PAX3: variants seen among roughly 807,000 people sequenced by gnomAD.
PAX3 encodes paired box 3.
PAX3 carries 14 observed loss-of-function variants against 51.6 expected under a neutral mutation model. That is an observed-to-expected ratio of 0.27 (90% CI 0.18 to 0.42). The LOEUF (loss-of-function observed/expected upper bound fraction) is 0.42, where lower values mean the gene tolerates loss of function less well. Ranked by LOEUF, PAX3 falls within the 10% of genes least tolerant of loss-of-function variation. PAX3 has a pLI of 1.00. For synonymous variants in PAX3, 280 were observed against 253.4 expected, an observed-to-expected ratio of 1.11 and a Z score of -1.00; for missense variants, 540 against 642.8, an observed-to-expected ratio of 0.84 and a Z score of 1.73.
At chr2:222,246,906 T>C (rs986982847) in intron 4 of PAX3, among the ~76,000 whole-genome samples, 6 of 152,234 alleles carry the variant, frequency 3.9e-5, no homozygotes, top group African/African-American at 1.4e-4. Context: ...TGTTCATATT[T>C]ACCTGTGAAT....
chr2:222,274,424 A>C (rs1471843193), intron 4 of PAX3, among the ~76,000 whole-genome samples: 1 of 151,974 alleles, frequency 6.6e-6, no homozygotes, highest in Admixed American at 6.6e-5. Flanking sequence ...CTTTTAATAG[A>C]GAATGGAAAA....
rs972999995 is a variant in PAX3 at position 222,294,383 on chromosome 2, C to A, written c.452-82G>T. 5.3e-6 allele frequency: 8 copies of A among 1,520,266 alleles called. No homozygotes were observed. The South Asian group carries it at 9.1e-5, about 17-fold the overall frequency. The allele number at this position is 1,520,266 out of a possible 1,614,324, so 94.2% of individuals were successfully genotyped here. A position where few individuals can be genotyped will look rare whatever the true frequency, so the allele number is the denominator to read the frequency against. ...CTGTGCGGGAAGGACCCCCCACCCCCAAACACCAGCCAGGGCCCTAGAGCC... is the reference window on the plus strand; with the variant it reads ...CTGTGCGGGAAGGACCCCCCACCCCAAAACACCAGCCAGGGCCCTAGAGCC... On this transcript the variant is annotated intron_variant, in intron 3 of 8. Transcript: ENST00000392070.
chr2:222,291,380 T>C (rs568286697), intron 4 of PAX3, among the ~76,000 whole-genome samples: 75 of 152,280 alleles, frequency 4.9e-4, no homozygotes, highest in Non-Finnish European at 7.9e-4. Context: ...GGGTGCATCA[T>C]GCTTAGCGCG....
At chr2:222,248,060 A>G (rs1367100723) in intron 4 of PAX3, among the ~76,000 whole-genome samples, 1 of 152,216 alleles carries the variant, frequency 6.6e-6, no homozygotes, top group African/African-American at 2.4e-5. Flanking sequence ...CCTCTGGATC[A>G]TCTATTGCTT....
chr2:222,221,640 A>G (rs1692196592), intron 5 of PAX3: 3 of 448,558 alleles, frequency 6.7e-6, no homozygotes, highest in Admixed American at 6.9e-5. Flanking sequence ...TATGAGGACC[A>G]TGGGCAGGAA....
intron 5 of PAX3, among the ~76,000 whole-genome samples, chr2:222,223,646 G>A (rs369366397): frequency 7.4e-4 from 113 of 152,272 alleles, no homozygotes; most frequent in Non-Finnish European, 1.3e-3. Flanking sequence ...GACTAAGGAG[G>A]TACTCCCGGC....
At chr2:222,253,410 G>A (rs1693512805) in intron 4 of PAX3, among the ~76,000 whole-genome samples, 1 of 152,104 alleles carries the variant, frequency 6.6e-6, no homozygotes, top group South Asian at 2.1e-4. Context: ...AGACATTTTA[G>A]GCATTTTAGA....
intron 4 of PAX3, among the ~76,000 whole-genome samples, chr2:222,258,240 T>C (rs1693719571): frequency 6.6e-6 from 1 of 152,182 alleles, no homozygotes; most frequent in African/African-American, 2.4e-5. Context: ...GCAGTCATGT[T>C]TTTAAGCCTC....
chr2:222,285,913 C>T (rs777880418), intron 4 of PAX3, among the ~76,000 whole-genome samples: 16 of 152,216 alleles, frequency 1.1e-4, no homozygotes, highest in Non-Finnish European at 2.2e-4. Context: ...AAAAGTCTCC[C>T]ATCCCTGTCA....
At chr2:222,218,221 T>C (rs1692041659) in intron 7 of PAX3, among the ~76,000 whole-genome samples, 1 of 152,196 alleles carries the variant, frequency 6.6e-6, no homozygotes, top group Non-Finnish European at 1.5e-5. Context: ...ATGATTTTGC[T>C]CTACCATCAA....
intron 5 of PAX3, among the ~76,000 whole-genome samples, chr2:222,226,660 C>T (rs1692396486): frequency 6.6e-6 from 1 of 151,218 alleles, no homozygotes; most frequent in East Asian, 2.0e-4. Flanking sequence ...ATTACTGATG[C>T]TATAAGGATT....
intron 5 of PAX3, among the ~76,000 whole-genome samples, chr2:222,224,392 T>C (rs10207863): frequency 0.027 from 4,102 of 152,272 alleles, 171 homozygotes; most frequent in African/African-American, 0.088. Flanking sequence ...GGCCTGCCTG[T>C]CTCTGGTCAT....
In PAX3 at chr2:222,200,351, G is replaced by A. The variant is rs992001279; in HGVS notation, c.*1057C>T. ...CTTGCCCTGCCTTTCATAGAAAAGA[G>A]AAGAATGTAAACGTAATCAGTTTAA... On this transcript the variant is annotated 3_prime_UTR_variant, in exon 9 of 9. Transcript: ENST00000392070. 1 of 223,754 alleles carries A rather than the reference G, an allele frequency of 4.5e-6. No homozygotes were observed. Among genetic ancestry groups the A allele is most frequent in the African/African-American group, 2.2e-5 (1 of 44,816 alleles). 13.9% of individuals were successfully genotyped at this position (223,754 alleles called of 1,614,324 possible). A position where few individuals can be genotyped will look rare whatever the true frequency, so the allele number is the denominator to read the frequency against.
chr2:222,244,231 T>C (rs774510372), intron 4 of PAX3, among the ~76,000 whole-genome samples: 23 of 152,186 alleles, frequency 1.5e-4, no homozygotes, highest in South Asian at 6.2e-4. Flanking sequence ...ACAGTTGCCA[T>C]TGAACTTAGA....
chr2:222,298,150 T>C (rs978153069), intron 1 of PAX3: 1 of 276,820 alleles, frequency 3.6e-6, no homozygotes, highest in African/African-American at 2.2e-5. Flanking sequence ...GTTTCACAAG[T>C]GTGGGCGCAG....
Position 222,298,889 on chromosome 2 carries a change from A to C in PAX3, c.-274T>G, listed in dbSNP as rs760039867. 4.2e-5 allele frequency: 23 copies of C among 550,146 alleles called. No individual in the cohort carries two copies. Among genetic ancestry groups the C allele is most frequent in the Non-Finnish European group, 6.9e-5 (21 of 306,030 alleles). 34.1% of individuals were successfully genotyped at this position (550,146 alleles called of 1,614,324 possible). ...TGGTACGAGTCTGGGCAAATGTTCC[A>C]GCGACTGGGGTCCCTGAAAAGGGGG... On this transcript the variant is annotated 5_prime_UTR_variant, in exon 1 of 9. Transcript: ENST00000392070.
rs45441600 is a variant in PAX3, at chr2:222,295,774, C to T, written c.322-117G>A. ...TCGCTGAATCCTCTGGGACGGTCCC[C>T]CTTTGTGAGCAAAAAGACCTGAACT... On this transcript the variant is annotated intron_variant, in intron 2 of 8. Transcript: ENST00000392070. 23,225 of 1,200,212 alleles carry T rather than the reference C, an allele frequency of 0.019. 297 individuals are homozygous for T. Among genetic ancestry groups the T allele is most frequent in the Non-Finnish European group, 0.025 (20,089 of 809,136 alleles). 74.3% of individuals were successfully genotyped at this position (1,200,212 alleles called of 1,614,324 possible).
intron 5 of PAX3, among the ~76,000 whole-genome samples, chr2:222,226,721 GCATTTGGGT>G (rs1692399282): frequency 2.0e-5 from 3 of 149,820 alleles, no homozygotes; most frequent in African/African-American, 7.3e-5. Flanking sequence ...GAGAAATTAT[GCATTTGGGT>G]CATTCCCAAA....
chr2:222,206,138 A>ATT (rs11366818), intron 7 of PAX3, among the ~76,000 whole-genome samples: 20 of 148,420 alleles, frequency 1.3e-4, no homozygotes, highest in East Asian at 3.9e-4. Context: ...TTTTGTACCA[A>ATT]TTTTTTTTTT....
Sources: gnomAD v4.1 joint callset for allele counts (sites outside exome capture counted in the v4.1 genomes callset) on GRCh38, gnomAD v4.1.1 for gene constraint, MANE v1.5 for transcripts, NCBI Gene and HGNC (gene_info 2026-07-23, HGNC 2026-07-21) for gene names.